PALMD: variants seen among roughly 807,000 people sequenced by gnomAD.
PALMD encodes paralemmin-like protein.
Under a neutral mutation model 56.2 loss-of-function variants are expected in PALMD, and 42 were observed. That is an observed-to-expected ratio of 0.75 (90% CI 0.58 to 0.97). The LOEUF (loss-of-function observed/expected upper bound fraction) is 0.97, where lower values mean the gene tolerates loss of function less well. Among genes scored for constraint, PALMD ranks in the 50% least tolerant of loss-of-function variants. The pLI is 0.00. For synonymous variants in PALMD, 242 were observed against 222.9 expected, an observed-to-expected ratio of 1.09 and a Z score of -0.76; for missense variants, 660 against 643.8, an observed-to-expected ratio of 1.03 and a Z score of -0.27.
At chr1:99,661,231 G>A (rs963293003) in intron 1 of PALMD, among the ~76,000 whole-genome samples, 2 of 152,118 alleles carry the variant, frequency 1.3e-5, no homozygotes, top group South Asian at 2.1e-4. Context: ...CAACACTTAT[G>A]AATAAGATGG....
intron 3 of PALMD, among the ~76,000 whole-genome samples, chr1:99,680,355 T>C (rs12064673): frequency 0.037 from 5,563 of 152,156 alleles, 277 homozygotes; most frequent in African/African-American, 0.12. Flanking sequence ...TTTTCCCCAG[T>C]GAATAGGCAA....
chr1:99,662,739 A>T (rs1344033294), intron 2 of PALMD, among the ~76,000 whole-genome samples: 1 of 152,172 alleles, frequency 6.6e-6, no homozygotes, highest in African/African-American at 2.4e-5. Context: ...TCCAGCTAGG[A>T]AGTGCCTTTT....
intron 1 of PALMD, among the ~76,000 whole-genome samples, chr1:99,654,787 TTTGGTTGGTTGGTTGC>T (rs968078415): frequency 7.9e-5 from 12 of 152,186 alleles, no homozygotes; most frequent in South Asian, 6.2e-4. Context: ...TAGATTTTTG[TTTGGTTGGTTGGTTGC>T]TTGGTTGGTT....
At position 99,686,966 on chromosome 1, in the gene PALMD, A is replaced by C; in HGVS notation, c.400+3A>C. ...GGAAAGAGAAGAAAGAGCAGAAGGTATGTTTTTGAATAACTTATTTTATGT... is the reference window on the plus strand; with the variant it reads ...GGAAAGAGAAGAAAGAGCAGAAGGTCTGTTTTTGAATAACTTATTTTATGT... On this transcript the variant is annotated splice_donor_region_variant and intron_variant, in intron 5 of 7. Transcript: ENST00000263174. 3 of 1,572,688 alleles carry C rather than the reference A, an allele frequency of 1.9e-6. No individual in the cohort carries two copies. The highest frequency in any genetic ancestry group is 2.6e-6 in the Non-Finnish European group (3 of 1,147,284).
At chr1:99,648,850 C>G (rs372957698) in intron 1 of PALMD, among the ~76,000 whole-genome samples, 1 of 121,642 alleles carries the variant, frequency 8.2e-6, no homozygotes, top group Non-Finnish European at 1.7e-5. Context: ...TAGAATTTGA[C>G]AGAACAAAGA....
At position 99,652,684 on chromosome 1, in the gene PALMD, GGAAAGGAAAGGAAAA is replaced by G. The variant is rs1435211403; in HGVS notation, c.45+6327_45+6341del. On this transcript the variant is annotated intron_variant, in intron 1 of 7. Coordinates refer to ENST00000263174, the MANE Select transcript of PALMD (RefSeq NM_017734.5). ...AGAAAGGAAAGGAAAGGAAAGGAAA[GGAAAGGAAAGGAAAA>G]GAAAAGAAAAGAAAAGAAAAGAAAA... is the stretch of plus-strand genomic sequence containing the variant. 3.7e-3 allele frequency among the ~76,000 whole-genome samples: 265 copies of G among 70,902 alleles called. 1 individual carries two copies. Among genetic ancestry groups the G allele is most frequent in the African/African-American group, 0.014 (249 of 17,350 alleles). 46.5% of individuals were successfully genotyped at this position (70,902 alleles called of 152,430 possible).
chr1:99,681,394 G>A (rs1441373371), intron 3 of PALMD, among the ~76,000 whole-genome samples: 1 of 151,920 alleles, frequency 6.6e-6, no homozygotes, highest in Non-Finnish European at 1.5e-5. Flanking sequence ...CTTTGGGAAG[G>A]GATTAGGAAT....
chr1:99,679,693 T>G (rs1053183788), intron 3 of PALMD, among the ~76,000 whole-genome samples: 1 of 152,200 alleles, frequency 6.6e-6, no homozygotes, highest in Admixed American at 6.5e-5. Context: ...AAATGAATGT[T>G]GTGTCTAAGC....
chr1:99,648,961 A>G (rs1652507157), intron 1 of PALMD, among the ~76,000 whole-genome samples: 1 of 151,968 alleles, frequency 6.6e-6, no homozygotes, highest in African/African-American at 2.4e-5. Context: ...ATTGAAAACT[A>G]AATTACTATC....
In PALMD at chr1:99,654,568, TAC is replaced by T. The variant is rs2100854752; in HGVS notation, c.46-7749_46-7748del. Among the ~76,000 whole-genome samples the T allele has an allele frequency of 2.0e-5, 3 of 152,294 alleles. No homozygotes were observed. In the South Asian group the frequency reaches 6.2e-4, roughly 32 times the overall value. On this transcript the variant is annotated intron_variant, in intron 1 of 7. Transcript: ENST00000263174. ...ACTTCCAAATTTATTTCAAGTTTAA[TAC>T]AGTTTCAATCAATATCTCTAAGGAG...
chr1:99,685,081 A>T (rs554698130), intron 3 of PALMD: 1 of 152,382 alleles, frequency 6.6e-6, no homozygotes, highest in East Asian at 1.9e-4. Context: ...GAAAACTTTT[A>T]AAAATTATAT....
chr1:99,688,727 A>G, intron 6 of PALMD, 48 bp from the exon 7 acceptor site: 1 of 1,313,174 alleles, frequency 7.6e-7, no homozygotes, highest in Middle Eastern at 2.5e-4. Flanking sequence ...AGGTTAGTTT[A>G]CAAAAGAAAA....
intron 1 of PALMD, among the ~76,000 whole-genome samples, chr1:99,658,336 T>C (rs1365576260): frequency 6.6e-6 from 1 of 151,552 alleles, no homozygotes; most frequent in Non-Finnish European, 1.5e-5. Context: ...GAAAAACTAT[T>C]ACATGTAATA....
chr1:99,678,338 C>T (rs1213612572), intron 3 of PALMD, among the ~76,000 whole-genome samples: 2 of 152,086 alleles, frequency 1.3e-5, no homozygotes, highest in South Asian at 2.1e-4. Flanking sequence ...CTCCTGATCT[C>T]AAGTTATCCA....
chr1:99,678,017 T>C (rs1407751411), intron 3 of PALMD, among the ~76,000 whole-genome samples: 1 of 152,098 alleles, frequency 6.6e-6, no homozygotes, highest in African/African-American at 2.4e-5. Context: ...AACACCCAAA[T>C]GGACCTGCTA....
intron 3 of PALMD, among the ~76,000 whole-genome samples, chr1:99,674,357 T>C (rs1304404760): frequency 6.6e-6 from 1 of 152,182 alleles, no homozygotes; most frequent in East Asian, 1.9e-4. Context: ...TATGGAGCAC[T>C]ATTCTGAGAA....
chr1:99,687,080 A>C lies in PALMD; in HGVS notation c.405A>C (p.Ser135=). The change falls in exon 6 of 8, where the codon TCA becomes TCC. Residue 135 remains serine, a synonymous_variant. Coordinates refer to ENST00000263174, the MANE Select transcript of PALMD (RefSeq NM_017734.5). ...KVEREERAEE[S]IEDIYANIPD... ...GAATTCATATTAATTTTACAGAGTC[A>C]ATTGAGGACATCTATGCTAATATCC... is the stretch of plus-strand genomic sequence containing the variant. 6.3e-7 allele frequency: 1 copy of C among 1,585,600 alleles called. No homozygotes were observed.
intron 7 of PALMD, chr1:99,690,076 C>A (rs1653620496): frequency 2.0e-6 from 1 of 512,668 alleles, no homozygotes; most frequent in Non-Finnish European, 3.4e-6. Flanking sequence ...AAAAATAAAT[C>A]ATTGCCTTAT....
intron 3 of PALMD, among the ~76,000 whole-genome samples, chr1:99,676,228 G>A (rs1302298504): frequency 6.6e-6 from 1 of 152,150 alleles, no homozygotes; most frequent in East Asian, 1.9e-4. Context: ...GTTTGCACTA[G>A]TAGGCTAGAT....
Sources: gnomAD v4.1 joint callset for allele counts (sites outside exome capture counted in the v4.1 genomes callset) on GRCh38, gnomAD v4.1.1 for gene constraint, MANE v1.5 for transcripts, NCBI Gene and HGNC (gene_info 2026-07-23, HGNC 2026-07-21) for gene names.